TLN2: variants seen among roughly 807,000 people sequenced by gnomAD.
TLN2 encodes talin-2.
A neutral mutation model predicts 294.7 loss-of-function variants in TLN2; 118 were observed. That is an observed-to-expected ratio of 0.40 (90% CI 0.34 to 0.47). The LOEUF (loss-of-function observed/expected upper bound fraction) is 0.47. Ranked by LOEUF, TLN2 falls within the 20% of genes least tolerant of loss-of-function variation. The pLI is 0.84. For missense variants in TLN2, 3,083 were observed against 3,282.2 expected (o/e 0.94, Z 1.48); for synonymous variants, 1,431 against 1,304.5 (o/e 1.10, Z -2.09).
At chr15:62,835,491 G>T in intron 55 of TLN2, 1 of 572,058 alleles carries the variant, frequency 1.7e-6, no homozygotes, top group Non-Finnish European at 3.1e-6. Context: ...TGGAAGCTAA[G>T]TGGAGCCATT....
intron 2 of TLN2, among the ~76,000 whole-genome samples, chr15:62,593,125 C>G (rs2046215506): frequency 6.6e-6 from 1 of 152,168 alleles, no homozygotes; most frequent in Admixed American, 6.5e-5. Flanking sequence ...TCATTCTGTA[C>G]CAGTCATTTA....
At chr15:62,783,391 G>A (rs62004642) in intron 44 of TLN2, among the ~76,000 whole-genome samples, 10,436 of 152,294 alleles carry the variant, frequency 0.069, 460 homozygotes, top group Non-Finnish European at 0.1. Flanking sequence ...GTTTCTAGGG[G>A]GAATTCCTCT....
intron 1 of TLN2, among the ~76,000 whole-genome samples, chr15:62,524,771 C>T (rs1181948285): frequency 6.6e-6 from 1 of 152,156 alleles, no homozygotes; most frequent in Non-Finnish European, 1.5e-5. Flanking sequence ...TTTATTCATT[C>T]CTACAGATGT....
chr15:62,839,727 C>T (rs1468619206), intron 58 of TLN2, among the ~76,000 whole-genome samples: 1 of 152,224 alleles, frequency 6.6e-6, no homozygotes, highest in Non-Finnish European at 1.5e-5. Context: ...CTGAACCACG[C>T]CCTGTGTTTG....
chr15:62,778,633 C>T (rs909344055), intron 43 of TLN2, among the ~76,000 whole-genome samples: 1 of 152,240 alleles, frequency 6.6e-6, no homozygotes, highest in Non-Finnish European at 1.5e-5. Context: ...AGGCCCTGCA[C>T]CACCTGCCAT....
intron 1 of TLN2, among the ~76,000 whole-genome samples, chr15:62,434,777 A>G (rs1019194775): frequency 1.4e-4 from 22 of 152,256 alleles, no homozygotes; most frequent in African/African-American, 5.3e-4. Flanking sequence ...TTTTTCCTTC[A>G]ACTTTTAAGT....
intron 1 of TLN2, among the ~76,000 whole-genome samples, chr15:62,490,239 G>A (rs1269601748): frequency 6.6e-6 from 1 of 152,146 alleles, no homozygotes; most frequent in African/African-American, 2.4e-5. Flanking sequence ...CTCCCCTGGT[G>A]TTTATTTTAA....
intron 1 of TLN2, among the ~76,000 whole-genome samples, chr15:62,489,999 G>A (rs1338088866): frequency 6.6e-6 from 1 of 152,216 alleles, no homozygotes; most frequent in African/African-American, 2.4e-5. Context: ...CCTGACTCAT[G>A]AAATCTGTGA....
At chr15:62,405,991 T>C (rs906534556) in intron 1 of TLN2, among the ~76,000 whole-genome samples, 10 of 152,128 alleles carry the variant, frequency 6.6e-5, no homozygotes, top group Non-Finnish European at 2.9e-5. Flanking sequence ...TTTATGAATG[T>C]GCCTGGTGAA....
chr15:62,560,654 T>C (rs2042883475), intron 1 of TLN2, among the ~76,000 whole-genome samples: 1 of 152,254 alleles, frequency 6.6e-6, no homozygotes, highest in Non-Finnish European at 1.5e-5. Flanking sequence ...GTGAAATTTT[T>C]CTGTGCCTCC....
intron 4 of TLN2, among the ~76,000 whole-genome samples, chr15:62,649,386 G>A (rs764772498): frequency 2.6e-5 from 4 of 152,092 alleles, no homozygotes; most frequent in Non-Finnish European, 4.4e-5. Flanking sequence ...CTAAGAAACA[G>A]CAGGAGCTCT....
intron 54 of TLN2, among the ~76,000 whole-genome samples, chr15:62,826,813 C>G (rs2068249412): frequency 6.6e-6 from 1 of 152,204 alleles, no homozygotes; most frequent in Non-Finnish European, 1.5e-5. Flanking sequence ...ACACTGGCCT[C>G]CTTTTTTCCC....
intron 25 of TLN2, among the ~76,000 whole-genome samples, chr15:62,721,852 A>G (rs943847240): frequency 5.3e-5 from 8 of 152,074 alleles, no homozygotes; most frequent in Non-Finnish European, 1.0e-4. Context: ...ATTGTGAGAT[A>G]GAGTGAACAG....
chr15:62,747,801 T>C (rs2061696387), intron 32 of TLN2, among the ~76,000 whole-genome samples: 1 of 152,220 alleles, frequency 6.6e-6, no homozygotes, highest in African/African-American at 2.4e-5. Flanking sequence ...ACACATAGTT[T>C]GTATGTTGTA....
chr15:62,725,150 G>T, intron 27 of TLN2, 46 bp downstream of exon 27: 1 of 1,567,712 alleles, frequency 6.4e-7, no homozygotes, highest in South Asian at 1.2e-5. Context: ...CTTTTGTTAT[G>T]ACGTTATTAA....
chr15:62,685,558 T>G (rs1172756761), intron 11 of TLN2, among the ~76,000 whole-genome samples: 1 of 152,210 alleles, frequency 6.6e-6, no homozygotes, highest in Admixed American at 6.5e-5. Flanking sequence ...GTGACACATT[T>G]TCCCCCATGA....
chr15:62,675,417 C>T (rs2056067464), intron 11 of TLN2, 96 bp downstream of exon 11: 2 of 1,260,450 alleles, frequency 1.6e-6, no homozygotes, highest in Non-Finnish European at 2.2e-6. Flanking sequence ...CCTGCTCACC[C>T]CCCTAGCATT....
chr15:62,390,706 G>A (rs2031997940), intron 1 of TLN2, 21 bp downstream of exon 1: 1 of 152,060 alleles, frequency 6.6e-6, no homozygotes, highest in Non-Finnish European at 1.5e-5. Context: ...CGGCTCACTC[G>A]GGTTTTCCTC....
intron 1 of TLN2, among the ~76,000 whole-genome samples, chr15:62,542,823 G>T (rs190006305): frequency 3.0e-4 from 45 of 152,078 alleles, no homozygotes; most frequent in Middle Eastern, 6.8e-3. Flanking sequence ...GAAGATTCAG[G>T]CCTTACGAAT....
Sources: gnomAD v4.1 joint callset for allele counts (sites outside exome capture counted in the v4.1 genomes callset) on GRCh38, gnomAD v4.1.1 for gene constraint, MANE v1.5 for transcripts, NCBI Gene and HGNC (gene_info 2026-07-23, HGNC 2026-07-21) for gene names.